The following DGCR8 variants were observed in gnomAD, a reference collection of about 807,000 sequenced individuals.
DGCR8 encodes DGCR8 microprocessor complex subunit, also known as microprocessor complex subunit DGCR8.
Under a neutral mutation model 78.5 loss-of-function variants are expected in DGCR8, and 14 were observed. The ratio of observed to expected loss-of-function variants is 0.18; its 90% CI spans 0.12 to 0.28. The LOEUF is 0.28. Ranked by LOEUF, DGCR8 falls within the 10% of genes least tolerant of loss-of-function variation. The pLI is 1.00. For synonymous variants in DGCR8, 399 were observed against 402.4 expected, an observed-to-expected ratio of 0.99 and a Z score of 0.10; for missense variants, 702 against 1,022.5, an observed-to-expected ratio of 0.69 and a Z score of 4.28.
rs1296559142 is a variant in DGCR8, at chr22:20,087,852, C to T, written c.880+531C>T. ...AGTGCCCTGGTCGACGTGGCACTTC[C>T]TCAACTTTGAGTTGAGGGTAGTGGG... On this transcript the variant is annotated intron_variant, in intron 3 of 13. Transcript: ENST00000351989. The surrounding 1 kb of genome is among the most constrained non-coding windows in gnomAD (Gnocchi z 4.1). Among the ~76,000 whole-genome samples the T allele has an allele frequency of 6.6e-6, 1 of 152,296 alleles. No homozygotes were observed. The highest frequency in any genetic ancestry group is 3.4e-3 in the Middle Eastern group (1 of 294).
intron 1 of DGCR8, among the ~76,000 whole-genome samples, chr22:20,081,083 G>C (rs1309833184): frequency 6.6e-6 from 1 of 152,206 alleles, no homozygotes; most frequent in African/African-American, 2.4e-5. Context: ...CCCTGCTGCA[G>C]GCCTTCACTC....
At chr22:20,094,412 C>T (rs1236875985) in intron 8 of DGCR8, among the ~76,000 whole-genome samples, 3 of 152,382 alleles carry the variant, frequency 2.0e-5, no homozygotes, top group African/African-American at 4.8e-5. Context: ...TGTTTTCTCA[C>T]GTGCCACCGA....
At chr22:20,084,788 C>T (rs2049459465) in intron 1 of DGCR8, among the ~76,000 whole-genome samples, 1 of 152,254 alleles carries the variant, frequency 6.6e-6, no homozygotes, top group Non-Finnish European at 1.5e-5. Context: ...GGCCCATTGC[C>T]AGGGCCTCTT....
intron 7 of DGCR8, 60 bp from the exon 8 acceptor site, chr22:20,092,747 CTG>C (rs2049580756): frequency 2.1e-6 from 3 of 1,430,834 alleles, no homozygotes; most frequent in Admixed American, 3.5e-5. Flanking sequence ...TGTGGGCAGA[CTG>C]TGCACACGCT....
Position 20,085,554 on chromosome 22 carries a change from TA to T in DGCR8, c.-277-128del. The T allele has an allele frequency of 4.4e-6, 3 of 684,148 alleles. No homozygotes were observed. Among genetic ancestry groups the T allele is most frequent in the Non-Finnish European group, 6.1e-6 (3 of 488,682 alleles). The allele number at this position is 684,148 out of a possible 1,614,324, so 42.4% of individuals were successfully genotyped here. On this transcript the variant is annotated intron_variant, in intron 1 of 13. Coordinates refer to ENST00000351989, the MANE Select transcript of DGCR8 (RefSeq NM_022720.7). This position sits in a 1 kb window ranked among gnomAD's most constrained non-coding sequence, Gnocchi z 6.2. ...AGTAAGGTTAGTTTGTTTTGATGCC[TA>T]AAAAGTCCTCTTAGGGAATATTATT... is the stretch of plus-strand genomic sequence containing the variant.
intron 12 of DGCR8, 106 bp downstream of exon 12, chr22:20,107,504 C>G (rs1164642879): frequency 5.0e-6 from 7 of 1,408,716 alleles, no homozygotes; most frequent in Non-Finnish European, 6.9e-6. Flanking sequence ...TCTGCTGTTG[C>G]TCACAGCTGC....
chr22:20,095,666 C>T lies in DGCR8; in HGVS notation c.1788+871C>T, dbSNP rs545327888. On this transcript the variant is annotated intron_variant, in intron 9 of 13. Coordinates refer to ENST00000351989, the MANE Select transcript of DGCR8 (RefSeq NM_022720.7). ...TCAGGGAAGACAATTTTTCCACAGA[C>T]GGTGTTGGGGGGCGGGGATGGTTTC... Among the ~76,000 whole-genome samples, 11 of 152,264 alleles carry T rather than the reference C, an allele frequency of 7.2e-5. No individual in the cohort carries two copies. The East Asian group carries it at 9.6e-4, about 13-fold the overall frequency.
At chr22:20,100,800 A>G in intron 9 of DGCR8, 1 of 985,272 alleles carries the variant, frequency 1.0e-6, no homozygotes, top group Non-Finnish European at 1.2e-6. Flanking sequence ...GGCTTTTTCC[A>G]CACCCCTACT....
chr22:20,090,346 C>G, intron 5 of DGCR8, 88 bp downstream of exon 5: 1 of 1,437,566 alleles, frequency 7.0e-7, no homozygotes, highest in South Asian at 1.4e-5. Context: ...TTCATAGTTC[C>G]TAGTTGTACT....
At chr22:20,102,218 C>T (rs2049711348) in intron 9 of DGCR8, 1 of 364,268 alleles carries the variant, frequency 2.7e-6, no homozygotes, top group South Asian at 1.1e-4. Context: ...TACATTCCAA[C>T]ATTCTTCTTT....
At chr22:20,108,644 G>C (rs1425029843) in intron 12 of DGCR8, 1 of 366,480 alleles carries the variant, frequency 2.7e-6, no homozygotes, top group Non-Finnish European at 5.3e-6. Context: ...TATAAGTGGC[G>C]TGGTGTGGGC....
At chr22:20,101,194 C>G in intron 9 of DGCR8, 4 of 984,966 alleles carry the variant, frequency 4.1e-6, no homozygotes, top group Non-Finnish European at 4.8e-6. Flanking sequence ...GAGAGAAGAC[C>G]GTGTGTTTTT....
At chr22:20,096,459 A>G in intron 9 of DGCR8, 1 of 985,420 alleles carries the variant, frequency 1.0e-6, no homozygotes, top group Non-Finnish European at 1.2e-6. Flanking sequence ...TTTTTGGGTA[A>G]ATGGTTATTT....
chr22:20,104,921 G>C (rs1306101441), intron 9 of DGCR8, among the ~76,000 whole-genome samples: 1 of 152,202 alleles, frequency 6.6e-6, no homozygotes, highest in East Asian at 1.9e-4. Flanking sequence ...ACACTGTGGA[G>C]CCTGCACAGC....
At position 20,107,501 on chromosome 22, in the gene DGCR8, T is replaced by C. The variant is rs936557346; in HGVS notation, c.2124+103T>C. 2.2e-5 allele frequency: 32 copies of C among 1,442,388 alleles called. No homozygotes were observed. The African/African-American group carries it at 3.9e-4, about 18-fold the overall frequency. The allele number at this position is 1,442,388 out of a possible 1,614,324, so 89.3% of individuals were successfully genotyped here. On this transcript the variant is annotated intron_variant, in intron 12 of 13. Coordinates refer to ENST00000351989, the MANE Select transcript of DGCR8 (RefSeq NM_022720.7). The stretch of plus-strand genomic sequence containing the variant: ...GGGGCAGAGCTGGGCAGCTCTGCTG[T>C]TGCTCACAGCTGCCTCTCTCCTGGG...
In DGCR8 at chr22:20,094,156, C is replaced by T. The variant is rs550539795; in HGVS notation, c.1706-557C>T. Among the ~76,000 whole-genome samples, 11 of 152,346 alleles carry T rather than the reference C, an allele frequency of 7.2e-5. No homozygotes were observed. In the South Asian group the frequency reaches 2.3e-3, roughly 32 times the overall value. On this transcript the variant is annotated intron_variant, in intron 8 of 13. Coordinates refer to ENST00000351989, the MANE Select transcript of DGCR8 (RefSeq NM_022720.7). ...CCCAGACTCTTGGCTGCCCTATAGA[C>T]AGCTTGGCTCCATGTCTTGCCAGCA...
rs2049850193 is a variant in DGCR8 at position 20,111,706 on chromosome 22, G to GCGCCCCC, written c.*1599_*1600insGCCCCCC. ...TGCCATACTCTTGTGGTCTCTGTGC[G>GCGCCCCC]CCCCCCCCCCCCCCCCACCCGTCTG... On this transcript the variant is annotated 3_prime_UTR_variant, in exon 14 of 14. Coordinates refer to ENST00000351989, the MANE Select transcript of DGCR8 (RefSeq NM_022720.7). 2 of 63,028 alleles carry GCGCCCCC rather than the reference G, an allele frequency of 3.2e-5. No homozygotes were observed. The highest frequency in any genetic ancestry group is 2.0e-4 in the Admixed American group (1 of 5,080). The allele number at this position is 63,028 out of a possible 1,614,324, so 3.9% of individuals were successfully genotyped here.
Position 20,085,875 on chromosome 22 carries a change from C to T in DGCR8, c.-89C>T, listed in dbSNP as rs746118740. On this transcript the variant is annotated 5_prime_UTR_variant, in exon 2 of 14. Transcript: ENST00000351989. This position sits in a 1 kb window ranked among gnomAD's most constrained non-coding sequence, Gnocchi z 6.2. ...ACAGCGCGGCAGGACGCGCCCGGGT[C>T]TCAGCGGACTTGTGCATGTTAGCTG... is the stretch of plus-strand genomic sequence containing the variant. 2 of 1,500,210 alleles carry T rather than the reference C, an allele frequency of 1.3e-6. No homozygotes were observed. The highest frequency in any genetic ancestry group is 4.5e-5 in the Admixed American group (2 of 44,036). The allele number at this position is 1,500,210 out of a possible 1,614,324, so 92.9% of individuals were successfully genotyped here.
In DGCR8 at chr22:20,087,230, A is replaced by G. The variant is rs1602479286; in HGVS notation, c.789A>G (p.Thr263=). The G allele has an allele frequency of 6.2e-7, 1 of 1,614,162 alleles. No individual in the cohort carries two copies. The highest frequency in any genetic ancestry group is 1.3e-5 in the African/African-American group (1 of 75,068). The change falls in exon 3 of 14, where the codon ACA becomes ACG. Residue 263 remains threonine, a synonymous_variant. Transcript: ENST00000351989. The surrounding 1 kb of genome is among the most constrained non-coding windows in gnomAD (Gnocchi z 4.1). ...EGLCAPKKRR[T]EEKYGGDSDH... ...TTTGTGCCCCCAAAAAGAGGCGAAC[A>G]GAGGAAAAATATGGCGGAGACAGCG... is the stretch of plus-strand genomic sequence containing the variant.
Sources: gnomAD v4.1 joint callset for allele counts (sites outside exome capture counted in the v4.1 genomes callset) on GRCh38, gnomAD v4.1.1 for gene constraint, Gnocchi (gnomAD v3.1) non-coding constraint, MANE v1.5 for transcripts, NCBI Gene and HGNC (gene_info 2026-07-23, HGNC 2026-07-21) for gene names.